Variants in NLRP3 observed in about 807,000 individuals in gnomAD.
NLRP3 encodes NLR family pyrin domain containing 3.
In NLRP3, 48 loss-of-function variants were observed where a neutral mutation model predicts 91.3. The observed-to-expected ratio is 0.53, with a 90% CI of 0.42 to 0.67. NLRP3 has a LOEUF of 0.67. Among genes scored for constraint, NLRP3 ranks in the 30% least tolerant of loss-of-function variants. The pLI is 0.00. For synonymous variants in NLRP3, 561 were observed against 507.9 expected, an observed-to-expected ratio of 1.10 and a Z score of -1.41; for missense variants, 982 against 1,276.9, an observed-to-expected ratio of 0.77 and a Z score of 3.52.
At chr1:247,416,753 G>C (rs991668157) in intron 1 of NLRP3, among the ~76,000 whole-genome samples, 1 of 152,082 alleles carries the variant, frequency 6.6e-6, no homozygotes, top group African/African-American at 2.4e-5. Flanking sequence ...ACAGGGCTGG[G>C]TTTGCAGGGC....
In NLRP3 at chr1:247,444,017, C is replaced by G. The variant is rs145787821; in HGVS notation, c.2709C>G (p.Ser903=). ...GLTSVCCSAL[S]SVLSTNQNLT... is the part of the protein sequence containing the mutation. The stretch of plus-strand genomic sequence containing the variant: ...CGTCAGTCTGTTGTTCAGCTTTGTC[C>G]TCGGTACTCAGCACTAATCAGAATC... Residue 903 remains serine (S), a synonymous_variant, in exon 8 of 10, where the codon TCC becomes TCG. Transcript: ENST00000336119. 31 of 1,614,028 alleles carry G rather than the reference C, an allele frequency of 1.9e-5. No homozygotes were observed. Among genetic ancestry groups the G allele is most frequent in the African/African-American group, 4.0e-5 (3 of 74,906 alleles).
intron 9 of NLRP3, among the ~76,000 whole-genome samples, chr1:247,447,463 A>C (rs1664658038): frequency 6.6e-6 from 1 of 152,172 alleles, no homozygotes; most frequent in African/African-American, 2.4e-5. Flanking sequence ...ATTGTTAAGG[A>C]AGACAAACAT....
chr1:247,430,988 G>A (rs1328997967), intron 5 of NLRP3, among the ~76,000 whole-genome samples: 1 of 151,724 alleles, frequency 6.6e-6, no homozygotes, highest in Non-Finnish European at 1.5e-5. Flanking sequence ...AGCCTGGTCA[G>A]AATGCTTTGT....
Position 247,424,583 on chromosome 1 carries a change from G to A in NLRP3, c.1134G>A (p.Glu378=). The change falls in exon 4 of 10, where the codon GAG becomes GAA. Residue 378 remains glutamate, a synonymous_variant. Coordinates refer to ENST00000336119, the MANE Select transcript of NLRP3 (RefSeq NM_001243133.2). The surrounding 1 kb of genome is among the most constrained non-coding windows in gnomAD (Gnocchi z 8.1). ...GTTTCTCCGAGGCCAAAAGGAAAGA[G>A]TACTTCTTCAAGTACTTCTCTGATG... ...ILGFSEAKRK[E]YFFKYFSDEA... is the part of the protein sequence containing the mutation. The A allele has an allele frequency of 1.2e-6, 2 of 1,614,232 alleles. No homozygotes were observed. Among genetic ancestry groups the A allele is most frequent in the Non-Finnish European group, 8.5e-7 (1 of 1,180,044 alleles).
At chr1:247,419,496 C>A (rs1662310157) in intron 2 of NLRP3, among the ~76,000 whole-genome samples, 1 of 152,142 alleles carries the variant, frequency 6.6e-6, no homozygotes. Flanking sequence ...GTTAGGTACA[C>A]TCACATTGTG....
At chr1:247,420,177 C>T (rs1349804566) in intron 2 of NLRP3, among the ~76,000 whole-genome samples, 1 of 152,084 alleles carries the variant, frequency 6.6e-6, no homozygotes, top group Non-Finnish European at 1.5e-5. Flanking sequence ...TGATGCTGAG[C>T]ACATTTTCAC....
At chr1:247,443,185 C>G (rs1458022240) in intron 7 of NLRP3, among the ~76,000 whole-genome samples, 2 of 152,042 alleles carry the variant, frequency 1.3e-5, no homozygotes, top group Non-Finnish European at 2.9e-5. Flanking sequence ...AAGTGCTGGA[C>G]CTCCCAAAGT....
intron 9 of NLRP3, among the ~76,000 whole-genome samples, chr1:247,445,622 G>C (rs1365099423): frequency 1.3e-5 from 2 of 152,160 alleles, no homozygotes; most frequent in Non-Finnish European, 2.9e-5. Context: ...TGAGGTAGTC[G>C]TCTCCTCTCT....
chr1:247,422,005 A>G (rs575669582), intron 2 of NLRP3, among the ~76,000 whole-genome samples: 2 of 152,284 alleles, frequency 1.3e-5, no homozygotes, highest in East Asian at 3.9e-4. Context: ...TCTCTTAAAA[A>G]AAAAGAATAA....
intron 5 of NLRP3, among the ~76,000 whole-genome samples, chr1:247,430,542 T>C (rs1167340985): frequency 6.6e-6 from 1 of 152,038 alleles, no homozygotes; most frequent in Non-Finnish European, 1.5e-5. Flanking sequence ...ATGTAAATTT[T>C]TGGGGGGGCA....
intron 2 of NLRP3, among the ~76,000 whole-genome samples, chr1:247,422,812 C>A (rs1378098676): frequency 1.3e-5 from 2 of 152,208 alleles, no homozygotes; most frequent in Non-Finnish European, 1.5e-5. Flanking sequence ...CAGGGAACTG[C>A]GGTCAGGGAA....
intron 4 of NLRP3, among the ~76,000 whole-genome samples, chr1:247,427,301 G>A (rs1056938075): frequency 2.6e-5 from 4 of 152,168 alleles, no homozygotes; most frequent in African/African-American, 4.8e-5. Context: ...GGATTTCAGC[G>A]TATGGATTTT....
At chr1:247,427,439 A>G (rs1662972790) in intron 4 of NLRP3, among the ~76,000 whole-genome samples, 1 of 152,234 alleles carries the variant, frequency 6.6e-6, no homozygotes, top group Non-Finnish European at 1.5e-5. Context: ...TGAAGATCAC[A>G]CATCTGTGAG....
At chr1:247,444,603 G>A (rs200192749) in intron 8 of NLRP3, 48 bp from the exon 9 acceptor site, 4 of 1,603,050 alleles carry the variant, frequency 2.5e-6, no homozygotes, top group East Asian at 2.2e-5. Context: ...TGGGGAGCTA[G>A]GGGGATGGTT....
intron 5 of NLRP3, among the ~76,000 whole-genome samples, chr1:247,431,820 T>G (rs936453731): frequency 6.6e-6 from 1 of 152,238 alleles, no homozygotes; most frequent in Non-Finnish European, 1.5e-5. Context: ...TATTTATTTT[T>G]GTAGATGTAG....
chr1:247,430,276 G>C (rs1306222734), intron 5 of NLRP3, among the ~76,000 whole-genome samples: 2 of 152,156 alleles, frequency 1.3e-5, no homozygotes, highest in African/African-American at 4.8e-5. Flanking sequence ...CTAAGATCAA[G>C]GTGTCAGCAG....
intron 7 of NLRP3, among the ~76,000 whole-genome samples, chr1:247,437,497 T>C (rs1663877623): frequency 6.6e-6 from 1 of 152,232 alleles, no homozygotes; most frequent in Non-Finnish European, 1.5e-5. Flanking sequence ...AGTGCCTTCA[T>C]TTCCTCGCCT....
chr1:247,448,395 G>T lies in NLRP3; in HGVS notation c.3006-10G>T. On this transcript the variant is annotated splice_polypyrimidine_tract_variant and intron_variant, in intron 9 of 9. Coordinates refer to ENST00000336119, the MANE Select transcript of NLRP3 (RefSeq NM_001243133.2). ...AGAGTGCAACCCAGGCTTTCTATTT[G>T]CTTTTACAGGTTGTCTGAAATGTAT... The T allele has an allele frequency of 6.6e-7, 1 of 1,516,672 alleles. No individual in the cohort carries two copies. The highest frequency in any genetic ancestry group is 9.1e-7 in the Non-Finnish European group (1 of 1,095,110). 94.0% of individuals were successfully genotyped at this position (1,516,672 alleles called of 1,614,324 possible).
chr1:247,424,987 A>G lies in NLRP3; in HGVS notation c.1538A>G (p.Glu513Gly). Residue 513 changes from glutamate (E) to glycine (G), a missense_variant, in exon 4 of 10, where the codon GAG becomes GGG. This residue lies in a region of NLRP3 where 548 missense variants were observed against 713.7 expected (regional missense o/e 0.77). Transcript: ENST00000336119. This position sits in a 1 kb window ranked among gnomAD's most constrained non-coding sequence, Gnocchi z 8.1. ...MNLFQKEVDC[E>G]KFYSFIHMTF... The stretch of plus-strand genomic sequence containing the variant: ...CTGTTCCAAAAGGAAGTGGACTGCG[A>G]GAAGTTCTACAGCTTCATCCACATG... The G allele has an allele frequency of 6.2e-7, 1 of 1,614,184 alleles. No individual in the cohort carries two copies. Among genetic ancestry groups the G allele is most frequent in the Non-Finnish European group, 8.5e-7 (1 of 1,180,034 alleles).
Sources: gnomAD v4.1 joint callset for allele counts (sites outside exome capture counted in the v4.1 genomes callset) on GRCh38, gnomAD v4.1.1 for gene constraint, gnomAD v4.1.1 regional missense constraint, Gnocchi (gnomAD v3.1) non-coding constraint, MANE v1.5 for transcripts, NCBI Gene and HGNC (gene_info 2026-07-23, HGNC 2026-07-21) for gene names.